DEF6: variants seen among roughly 807,000 people sequenced by gnomAD.
DEF6 encodes DEF6 guanine nucleotide exchange factor, also known as differentially expressed in FDCP 6 homolog.
A neutral mutation model predicts 80.5 loss-of-function variants in DEF6; 32 were observed. The observed-to-expected ratio is 0.40, with a 90% CI of 0.30 to 0.53. DEF6 has a LOEUF of 0.53. Ranked by LOEUF, DEF6 falls within the 20% of genes least tolerant of loss-of-function variation. The pLI, the probability that DEF6 is intolerant of heterozygous loss-of-function variation, is 0.57. For missense variants in DEF6, 575 were observed against 818.7 expected (o/e 0.70, Z 3.63); for synonymous variants, 300 against 337.9 (o/e 0.89, Z 1.23).
chr6:35,311,566 A>G (rs1042790085), intron 3 of DEF6, among the ~76,000 whole-genome samples: 1 of 152,222 alleles, frequency 6.6e-6, no homozygotes, highest in African/African-American at 2.4e-5. Flanking sequence ...GTCCATCTGC[A>G]CATACACTTG....
At chr6:35,304,514 C>T (rs1562146825) in intron 1 of DEF6, among the ~76,000 whole-genome samples, 1 of 152,184 alleles carries the variant, frequency 6.6e-6, no homozygotes, top group Non-Finnish European at 1.5e-5. Flanking sequence ...GCTGGAGGAA[C>T]ATTAAGAAGG....
intron 9 of DEF6, among the ~76,000 whole-genome samples, 153 bp downstream of exon 9, chr6:35,320,170 C>G (rs1791573381): frequency 6.6e-6 from 1 of 152,198 alleles, no homozygotes; most frequent in Non-Finnish European, 1.5e-5. Context: ...GAGTTAGTCT[C>G]TCACCTGGGA....
chr6:35,310,352 G>A, intron 2 of DEF6, 107 bp from the exon 3 acceptor site: 1 of 1,225,796 alleles, frequency 8.2e-7, no homozygotes, highest in Admixed American at 2.0e-5. Flanking sequence ...CCTGGACTTG[G>A]CCAGGTGGGG....
In DEF6 at chr6:35,312,339, G is replaced by A. The variant is rs369847754; in HGVS notation, c.461G>A (p.Ser154Asn). Residue 154 changes from serine (S) to asparagine (N), a missense_variant, in exon 4 of 11, where the codon AGC (serine) becomes AAC (asparagine). Ser to Asn is a conservative substitution (Grantham distance 46). Coordinates refer to ENST00000316637, the MANE Select transcript of DEF6 (RefSeq NM_022047.4). The surrounding 1 kb of genome is among the most constrained non-coding windows in gnomAD (Gnocchi z 6.6). ...YLLKKVLSSM[S>N]LEVSLGELEE... is the part of the protein sequence containing the mutation. The stretch of plus-strand genomic sequence containing the variant: ...CTGAAAAAGGTACTCAGCAGCATGA[G>A]CTTGGAGGTGAGCTTGGGTGAGCTG... The A allele has an allele frequency of 1.2e-5, 19 of 1,614,062 alleles. No individual in the cohort carries two copies. The African/African-American group carries it at 2.4e-4, about 20-fold the overall frequency.
At chr6:35,299,445 C>A (rs187559133) in intron 1 of DEF6, among the ~76,000 whole-genome samples, 3 of 152,270 alleles carry the variant, frequency 2.0e-5, no homozygotes, top group Admixed American at 2.0e-4. Flanking sequence ...TGAGACCTCT[C>A]CAGGCTCTCT....
At position 35,319,095 on chromosome 6, in the gene DEF6, T is replaced by C. The variant is rs866912201; in HGVS notation, c.1216-429T>C. On this transcript the variant is annotated intron_variant, in intron 7 of 10. Transcript: ENST00000316637. This position sits in a 1 kb window ranked among gnomAD's most constrained non-coding sequence, Gnocchi z 4.5. ...TGAGGATTAAATGAGGAAACACTTG[T>C]AGTGTCCAGTAACTTTTTGTTGTAA... 7.9e-5 allele frequency among the ~76,000 whole-genome samples: 12 copies of C among 152,076 alleles called. No individual in the cohort carries two copies. The highest frequency in any genetic ancestry group is 2.9e-4 in the African/African-American group (12 of 41,388).
In DEF6 at chr6:35,318,537, C is replaced by A. The variant is rs1791550978; in HGVS notation, c.1215+66C>A. 1 of 1,336,898 alleles carries A rather than the reference C, an allele frequency of 7.5e-7. No individual in the cohort carries two copies. The highest frequency in any genetic ancestry group is 3.2e-5 in the East Asian group (1 of 31,632). The allele number at this position is 1,336,898 out of a possible 1,614,324, so 82.8% of individuals were successfully genotyped here. A position where few individuals can be genotyped will look rare whatever the true frequency, so the allele number is the denominator to read the frequency against. On this transcript the variant is annotated intron_variant, in intron 7 of 10. Coordinates refer to ENST00000316637, the MANE Select transcript of DEF6 (RefSeq NM_022047.4). The surrounding 1 kb of genome is among the most constrained non-coding windows in gnomAD (Gnocchi z 5.1). ...TGGGAGGCTGGCCAGGGGCGGAGCGCCGGGGGCGGGGCCTGGGCAGAGGGC... is the reference window on the plus strand; with the variant it reads ...TGGGAGGCTGGCCAGGGGCGGAGCGACGGGGGCGGGGCCTGGGCAGAGGGC...
rs778721451 is a variant in DEF6 at position 35,312,574 on chromosome 6, G to A, written c.660+36G>A. The A allele has an allele frequency of 8.7e-6, 14 of 1,614,144 alleles. No homozygotes were observed. In the South Asian group the frequency reaches 9.9e-5, roughly 11 times the overall value. On this transcript the variant is annotated intron_variant, in intron 4 of 10. Transcript: ENST00000316637. This position sits in a 1 kb window ranked among gnomAD's most constrained non-coding sequence, Gnocchi z 6.6. The stretch of plus-strand genomic sequence containing the variant: ...CTGGGAACTAGGGGAAGCACACAAG[G>A]TGCAGGGCGAAGGGGGGCCTGGGAA...
Position 35,317,905 on chromosome 6 carries a change from C to T in DEF6, c.822C>T (p.Arg274=), listed in dbSNP as rs530569536. The change falls in exon 6 of 11, where the codon CGC becomes CGT. Residue 274 remains arginine, a synonymous_variant. Coordinates refer to ENST00000316637, the MANE Select transcript of DEF6 (RefSeq NM_022047.4). ...AHCCVEVLPD[R]DGKRCMFCVK... ...CCCTGTGCCAGGTGCTGCCAGACCGCGACGGAAAGCGCTGCATGTTCTGTG... is the reference window on the plus strand; with the variant it reads ...CCCTGTGCCAGGTGCTGCCAGACCGTGACGGAAAGCGCTGCATGTTCTGTG... The T allele has an allele frequency of 4.5e-5, 72 of 1,613,538 alleles. No individual in the cohort carries two copies. The East Asian group carries it at 1.6e-3, about 36-fold the overall frequency.
chr6:35,298,505 C>T (rs1211839070), intron 1 of DEF6, among the ~76,000 whole-genome samples: 4 of 152,174 alleles, frequency 2.6e-5, no homozygotes, highest in Non-Finnish European at 4.4e-5. Flanking sequence ...CCCTATTATA[C>T]TGCTACGCAG....
chr6:35,300,507 A>G (rs1791300580), intron 1 of DEF6, among the ~76,000 whole-genome samples: 1 of 152,218 alleles, frequency 6.6e-6, no homozygotes, highest in African/African-American at 2.4e-5. Flanking sequence ...GGTAGGAGGA[A>G]GAACAGCACG....
At chr6:35,309,199 T>G (rs1791431660) in intron 1 of DEF6, among the ~76,000 whole-genome samples, 1 of 152,206 alleles carries the variant, frequency 6.6e-6, no homozygotes, top group Non-Finnish European at 1.5e-5. Context: ...TGTCTAGCAT[T>G]GTGGGAAGCA....
At chr6:35,305,154 T>G (rs751613629) in intron 1 of DEF6, among the ~76,000 whole-genome samples, 1 of 149,568 alleles carries the variant, frequency 6.7e-6, no homozygotes, top group Non-Finnish European at 1.5e-5. Flanking sequence ...GAATTTTTTT[T>G]TTTTTTTTCC....
intron 2 of DEF6, 48 bp from the exon 3 acceptor site, chr6:35,310,411 T>C: frequency 6.3e-7 from 1 of 1,597,106 alleles, no homozygotes; most frequent in Non-Finnish European, 8.5e-7. Context: ...CCTAGTGTCG[T>C]GGTAGAGCTG....
chr6:35,317,835 G>A, intron 5 of DEF6, 56 bp from the exon 6 acceptor site: 11 of 1,522,198 alleles, frequency 7.2e-6, no homozygotes, highest in Non-Finnish European at 9.9e-6. Context: ...CCTTGGGGCA[G>A]GTGGGGCCCT....
intron 1 of DEF6, among the ~76,000 whole-genome samples, chr6:35,308,749 T>TAATAAAATA (rs1791426212): frequency 6.7e-6 from 1 of 148,308 alleles, no homozygotes; most frequent in Non-Finnish European, 1.5e-5. Context: ...TAAAATAAAA[T>TAATAAAATA]AAAATAAAAT....
At chr6:35,301,781 T>C (rs964799764) in intron 1 of DEF6, among the ~76,000 whole-genome samples, 22 of 146,894 alleles carry the variant, frequency 1.5e-4, no homozygotes, top group African/African-American at 5.5e-4. Context: ...GGTTGGAGTA[T>C]AGTGGTGCAA....
At chr6:35,305,049 C>T (rs763534891) in intron 1 of DEF6, among the ~76,000 whole-genome samples, 9 of 145,318 alleles carry the variant, frequency 6.2e-5, no homozygotes, top group Non-Finnish European at 1.4e-4. Flanking sequence ...CCCAGGAGGG[C>T]TCTTCCTGCC....
intron 3 of DEF6, among the ~76,000 whole-genome samples, chr6:35,311,167 A>G (rs984214364): frequency 6.6e-6 from 1 of 152,118 alleles, no homozygotes; most frequent in African/African-American, 2.4e-5. Flanking sequence ...AAGGCTGGGA[A>G]TCTGGTCCCT....
Sources: gnomAD v4.1 joint callset for allele counts (sites outside exome capture counted in the v4.1 genomes callset) on GRCh38, gnomAD v4.1.1 for gene constraint, Gnocchi (gnomAD v3.1) non-coding constraint, MANE v1.5 for transcripts, NCBI Gene and HGNC (gene_info 2026-07-23, HGNC 2026-07-21) for gene names.